PRRC2B: variants seen among roughly 807,000 people sequenced by gnomAD.
PRRC2B encodes the protein proline rich coiled-coil 2B.
PRRC2B carries 68 observed loss-of-function variants against 242.3 expected under a neutral mutation model. The observed-to-expected ratio is 0.28, with a 90% CI of 0.23 to 0.34. PRRC2B has a LOEUF of 0.34. Ranked by LOEUF, PRRC2B falls within the 10% of genes least tolerant of loss-of-function variation. PRRC2B has a pLI of 1.00. For synonymous variants in PRRC2B, 1,228 were observed against 1,173.6 expected, an observed-to-expected ratio of 1.05 and a Z score of -0.95; for missense variants, 2,835 against 2,954.8, an observed-to-expected ratio of 0.96 and a Z score of 0.94.
intron 11 of PRRC2B, among the ~76,000 whole-genome samples, chr9:131,463,628 C>CTTTTTTTTTTTTTTTTTTTTTTTTTT (rs374951504): frequency 1.6e-5 from 2 of 125,780 alleles, no homozygotes. Flanking sequence ...TTTAGGCATG[C>CTTTTTTTTTTTTTTTTTTTTTTTTTT]TTTTTTTTTT....
intron 1 of PRRC2B, among the ~76,000 whole-genome samples, chr9:131,403,981 A>G (rs1837293319): frequency 6.6e-6 from 1 of 151,674 alleles, no homozygotes; most frequent in East Asian, 1.9e-4. Context: ...GGGTCTCGCT[A>G]TGTTGACCAA....
chr9:131,495,600 C>A, intron 31 of PRRC2B, 140 bp from the exon 32 acceptor site: 1 of 922,454 alleles, frequency 1.1e-6, no homozygotes, highest in Non-Finnish European at 1.6e-6. Context: ...GTTTCTAAGT[C>A]TGGTCCTTCA....
rs992970674 is a variant in PRRC2B, at chr9:131,439,183, G to C, written c.469+122G>C. 4 of 788,280 alleles carry C rather than the reference G, an allele frequency of 5.1e-6. No individual in the cohort carries two copies. In the African/African-American group the frequency reaches 6.9e-5, roughly 14 times the overall value. The allele number at this position is 788,280 out of a possible 1,614,324, so 48.8% of individuals were successfully genotyped here. ...TTTGAGGACTCTCTTCCACAAAGAG[G>C]TACCGTCTATGGAGCCCTTGCCTGT... On this transcript the variant is annotated intron_variant, in intron 5 of 31. Coordinates refer to ENST00000683519, the MANE Select transcript of PRRC2B (RefSeq NM_013318.4).
chr9:131,475,991 G>A lies in PRRC2B; in HGVS notation c.3862G>A (p.Val1288Met), dbSNP rs752818835. The change falls in exon 16 of 32, where the codon GTG becomes ATG. Residue 1288 changes from valine (V) to methionine (M), a missense_variant. Val to Met is a conservative substitution (Grantham distance 21, BLOSUM62 1). This residue lies in a region of PRRC2B where 1,536 missense variants were observed against 1,483.1 expected (regional missense o/e 1.04). Coordinates refer to ENST00000683519, the MANE Select transcript of PRRC2B (RefSeq NM_013318.4). Reference protein sequence around the residue: ...DKRSFFQDEHVADSENAENRP... With the variant: ...DKRSFFQDEHMADSENAENRP... ...GAGATCCTTCTTCCAAGATGAACAC[G>A]TGGCAGATTCTGAAAATGCAGAGAA... The A allele has an allele frequency of 2.2e-5, 36 of 1,607,720 alleles. No homozygotes were observed. The highest frequency in any genetic ancestry group is 2.0e-4 in the East Asian group (9 of 44,720).
chr9:131,412,797 CTTTTT>C (rs35175798), intron 1 of PRRC2B, among the ~76,000 whole-genome samples: 1 of 138,020 alleles, frequency 7.2e-6, no homozygotes, highest in Non-Finnish European at 1.5e-5. Context: ...CTCTCTCTCT[CTTTTT>C]TTTTTTTTTT....
In PRRC2B at chr9:131,476,177, A is replaced by G; in HGVS notation, c.4048A>G (p.Lys1350Glu). The G allele has an allele frequency of 6.2e-7, 1 of 1,613,502 alleles. No homozygotes were observed. Among genetic ancestry groups the G allele is most frequent in the South Asian group, 1.1e-5 (1 of 91,084 alleles). Residue 1350 changes from lysine (K) to glutamate (E), a missense_variant, in exon 16 of 32, where the codon AAG becomes GAG. Transcript: ENST00000683519. ...PGRPKLCSGD[K>E]SGTVGRRSPE... ...CAGGCCCAAACTGTGTTCTGGGGAC[A>G]AGAGTGGCACTGTGGGCCGCAGGTC... is the stretch of plus-strand genomic sequence containing the variant.
chr9:131,471,682 TGGCAGCA>T (rs1943551582), intron 14 of PRRC2B, among the ~76,000 whole-genome samples: 1 of 152,270 alleles, frequency 6.6e-6, no homozygotes, highest in Non-Finnish European at 1.5e-5. Context: ...TTGTAAAAAC[TGGCAGCA>T]GGCTGAGTTT....
chr9:131,482,466 T>C lies in PRRC2B; in HGVS notation c.5079T>C (p.Tyr1693=). Residue 1693 remains tyrosine (Y), a synonymous_variant, in exon 21 of 32, where the codon TAT becomes TAC. Coordinates refer to ENST00000683519, the MANE Select transcript of PRRC2B (RefSeq NM_013318.4). The surrounding 1 kb of genome is among the most constrained non-coding windows in gnomAD (Gnocchi z 5.2). ...SATSSQRSSP[Y]GTLKPEEMSG... ...CCTCCTCGCAGCGCAGCTCCCCATA[T>C]GGGACTCTGAAGCCAGAGGAGATGA... The C allele has an allele frequency of 2.5e-6, 4 of 1,612,024 alleles. No homozygotes were observed. Among genetic ancestry groups the C allele is most frequent in the South Asian group, 1.1e-5 (1 of 91,050 alleles).
chr9:131,485,639 G>C lies in PRRC2B; in HGVS notation c.5759-446G>C, dbSNP rs760822979. On this transcript the variant is annotated intron_variant, in intron 25 of 31. Transcript: ENST00000683519. The stretch of plus-strand genomic sequence containing the variant: ...TGCCAGTGTCCCCAAGGGGAAGCGT[G>C]GGGGTTTTGAGGGCCCAGCTGCCAG... 3.6e-5 allele frequency: 19 copies of C among 534,774 alleles called. No individual in the cohort carries two copies. The Admixed American group carries it at 3.7e-4, about 10-fold the overall frequency. The allele number at this position is 534,774 out of a possible 1,614,324, so 33.1% of individuals were successfully genotyped here. A position where few individuals can be genotyped will look rare whatever the true frequency, so the allele number is the denominator to read the frequency against.
intron 1 of PRRC2B, among the ~76,000 whole-genome samples, chr9:131,383,175 C>T (rs1018814155): frequency 2.0e-5 from 3 of 152,224 alleles, no homozygotes; most frequent in African/African-American, 2.4e-5. Context: ...CCTCCTCCGG[C>T]TCCCCAGCTG....
chr9:131,438,917 T>C lies in PRRC2B; in HGVS notation c.397-72T>C. 2.5e-6 allele frequency: 3 copies of C among 1,211,840 alleles called. No individual in the cohort carries two copies. The South Asian group carries it at 3.9e-5, about 16-fold the overall frequency. 75.1% of individuals were successfully genotyped at this position (1,211,840 alleles called of 1,614,324 possible). The stretch of plus-strand genomic sequence containing the variant: ...CTAAGGTGCTGGCCTCTCAGCACCT[T>C]GTTGTAATAGGCTGTTATTGTACAG... On this transcript the variant is annotated intron_variant, in intron 4 of 31. Transcript: ENST00000683519.
At chr9:131,460,121 G>C (rs1274907242) in intron 11 of PRRC2B, among the ~76,000 whole-genome samples, 1 of 152,106 alleles carries the variant, frequency 6.6e-6, no homozygotes, top group Admixed American at 6.6e-5. Flanking sequence ...TGTGGTACTT[G>C]TTTCCTACCA....
intron 13 of PRRC2B, 61 bp downstream of exon 13, chr9:131,467,814 C>T: frequency 6.5e-7 from 1 of 1,545,896 alleles, no homozygotes; most frequent in Non-Finnish European, 8.9e-7. Flanking sequence ...GCAGATGTTT[C>T]CCCTCCTCGT....
chr9:131,479,191 G>T, intron 18 of PRRC2B, 61 bp from the exon 19 acceptor site: 1 of 1,558,348 alleles, frequency 6.4e-7, no homozygotes, highest in Non-Finnish European at 8.8e-7. Context: ...TACTTATCCT[G>T]GGGAGAATTT....
Position 131,479,407 on chromosome 9 carries a change from G to A in PRRC2B, c.4900+14G>A, listed in dbSNP as rs45501698. 0.062 allele frequency: 99,241 copies of A among 1,610,564 alleles called. 3,627 individuals carry two copies. Among genetic ancestry groups the A allele is most frequent in the Admixed American group, 0.14 (8,497 of 59,558 alleles). ...GCAGCAGCCAGGGTGAGAGTTGGGG[G>A]TGTGACCCCAGCTGTGGCACCCAAG... On this transcript the variant is annotated intron_variant, in intron 19 of 31. Coordinates refer to ENST00000683519, the MANE Select transcript of PRRC2B (RefSeq NM_013318.4).
chr9:131,474,264 A>T (rs1487825313), intron 15 of PRRC2B, among the ~76,000 whole-genome samples, 190 bp from the exon 16 acceptor site: 1 of 152,138 alleles, frequency 6.6e-6, no homozygotes, highest in Non-Finnish European at 1.5e-5. Context: ...GTGTTTAAAG[A>T]TAGAACAAAT....
chr9:131,495,202 A>C (rs1265714603), intron 31 of PRRC2B, among the ~76,000 whole-genome samples: 5 of 151,458 alleles, frequency 3.3e-5, no homozygotes, highest in African/African-American at 1.2e-4. Flanking sequence ...GTAGAGCCAC[A>C]GACCAGGGGA....
chr9:131,477,645 C>A, intron 16 of PRRC2B, 99 bp from the exon 17 acceptor site: 1 of 716,338 alleles, frequency 1.4e-6, no homozygotes, highest in Non-Finnish European at 2.3e-6. Flanking sequence ...AGGAAGTGGG[C>A]CTAGATCAGG....
At chr9:131,452,916 T>C (rs993731593) in intron 9 of PRRC2B, among the ~76,000 whole-genome samples, 2 of 152,342 alleles carry the variant, frequency 1.3e-5, no homozygotes, top group East Asian at 3.9e-4. Context: ...TTGTTCAGTG[T>C]CATGTTTTGT....
Sources: allele counts gnomAD v4.1 joint callset (sites outside exome capture counted in the v4.1 genomes callset), GRCh38; gene constraint gnomAD v4.1.1; regional missense constraint gnomAD v4.1.1; non-coding constraint Gnocchi (gnomAD v3.1); transcripts MANE v1.5; gene names NCBI Gene and HGNC (gene_info 2026-07-23, HGNC 2026-07-21).